Variants in SEMA5B observed in about 807,000 individuals in gnomAD.
SEMA5B encodes semaphorin-5B.
In SEMA5B, 66 loss-of-function variants were observed where a neutral mutation model predicts 135.0. That is an observed-to-expected ratio of 0.49 (90% CI 0.40 to 0.60). The LOEUF is 0.60. Among genes scored for constraint, SEMA5B ranks in the 20% least tolerant of loss-of-function variants. The pLI, the probability that SEMA5B is intolerant of heterozygous loss-of-function variation, is 0.00. For missense variants in SEMA5B, 1,501 were observed against 1,566.3 expected, an observed-to-expected ratio of 0.96 and a Z score of 0.70; for synonymous variants, 690 against 639.5, an observed-to-expected ratio of 1.08 and a Z score of -1.19.
chr3:122,976,262 C>T, intron 1 of SEMA5B: 1 of 1,080,664 alleles, frequency 9.3e-7, no homozygotes, highest in Non-Finnish European at 1.3e-6. Context: ...TCTCAGGCCT[C>T]ACCCCAGACC....
At chr3:122,969,029 C>G (rs772122269) in intron 1 of SEMA5B, among the ~76,000 whole-genome samples, 4 of 152,146 alleles carry the variant, frequency 2.6e-5, no homozygotes, top group African/African-American at 4.8e-5. Context: ...GTTCTGTGCT[C>G]GAATAATTTT....
chr3:122,966,804 C>G (rs935731255), intron 1 of SEMA5B, among the ~76,000 whole-genome samples: 2 of 149,902 alleles, frequency 1.3e-5, no homozygotes, highest in South Asian at 2.1e-4. Context: ...GTGATCTGCC[C>G]GCCTCGGCCT....
chr3:122,955,956 C>A (rs917181818), intron 2 of SEMA5B, among the ~76,000 whole-genome samples: 14 of 152,292 alleles, frequency 9.2e-5, no homozygotes, highest in Non-Finnish European at 1.0e-4. Context: ...AAGACAAAAC[C>A]ATGGTCCTTG....
At chr3:122,918,993 C>CTTTTTTTTTTTTTT (rs63373262) in intron 12 of SEMA5B, among the ~76,000 whole-genome samples, 2 of 80,364 alleles carry the variant, frequency 2.5e-5, no homozygotes, top group Non-Finnish European at 5.2e-5. Flanking sequence ...ATCACCATGT[C>CTTTTTTTTTTTTTT]TTTTTTTTTT....
chr3:122,951,965 G>T (rs1940067780), intron 2 of SEMA5B, among the ~76,000 whole-genome samples: 1 of 152,164 alleles, frequency 6.6e-6, no homozygotes, highest in Non-Finnish European at 1.5e-5. Context: ...TCACTGAATG[G>T]CTGCAAGCCT....
chr3:122,951,676 G>T (rs968270747), intron 2 of SEMA5B, among the ~76,000 whole-genome samples: 3 of 152,214 alleles, frequency 2.0e-5, no homozygotes, highest in African/African-American at 7.2e-5. Flanking sequence ...AGGGATCCCT[G>T]ACAGGAGCTG....
intron 1 of SEMA5B, among the ~76,000 whole-genome samples, chr3:122,972,411 A>C (rs1016476425): frequency 2.6e-5 from 4 of 152,024 alleles, no homozygotes; most frequent in Non-Finnish European, 5.9e-5. Flanking sequence ...CATGTGGCAC[A>C]CTCCAGATCT....
In SEMA5B at chr3:122,978,298, T is replaced by C. The variant is rs528525928; in HGVS notation, c.-38-16997A>G. 1.1e-3 allele frequency among the ~76,000 whole-genome samples: 163 copies of C among 152,302 alleles called. 3 individuals are homozygous for C. In the Middle Eastern group the frequency reaches 0.014, roughly 13 times the overall value. ...GATGAGATCATGGCTCAGGAATCTC[T>C]GTGCAGTCGGTTGCCCCTGAAAAGA... On this transcript the variant is annotated intron_variant, in intron 1 of 22. Coordinates refer to ENST00000357599, the MANE Select transcript of SEMA5B (RefSeq NM_001031702.4).
intron 5 of SEMA5B, among the ~76,000 whole-genome samples, chr3:122,932,780 T>C (rs1939046818): frequency 1.3e-5 from 2 of 152,174 alleles, no homozygotes; most frequent in African/African-American, 4.8e-5. Flanking sequence ...TGTCTTTCTT[T>C]AACCTTCACC....
intron 1 of SEMA5B, chr3:122,975,502 C>G (rs2107660831): frequency 6.3e-6 from 1 of 159,142 alleles, no homozygotes; most frequent in East Asian, 1.8e-4. Flanking sequence ...GGCTCAAATC[C>G]CAGCCCAGGC....
Position 122,927,886 on chromosome 3 carries a change from C to T in SEMA5B, c.754G>A (p.Val252Ile), listed in dbSNP as rs2107655162. 6.3e-7 allele frequency: 1 copy of T among 1,596,308 alleles called. No individual in the cohort carries two copies. The highest frequency in any genetic ancestry group is 1.1e-5 in the South Asian group (1 of 87,998). The change falls in exon 8 of 23, where the codon GTC (valine) becomes ATC (isoleucine). Residue 252 changes from valine to isoleucine, a missense_variant. By Grantham distance (29) the Val-to-Ile change is conservative. Transcript: ENST00000357599. ...SSQGELYAAT[V>I]IDFSGRDPAI... ...GGGTCCCGACCTGAGAAGTCGATGA[C>T]CGTGGCTGCATAGAGCTCCCCCTGG...
At chr3:122,964,049 G>T (rs1001017490) in intron 1 of SEMA5B, among the ~76,000 whole-genome samples, 1 of 152,150 alleles carries the variant, frequency 6.6e-6, no homozygotes, top group Non-Finnish European at 1.5e-5. Context: ...CAGACCACCA[G>T]GCCGCCTCTG....
At chr3:122,966,538 T>A (rs1560378573) in intron 1 of SEMA5B, among the ~76,000 whole-genome samples, 1 of 26,848 alleles carries the variant, frequency 3.7e-5, no homozygotes, top group African/African-American at 1.0e-4. Context: ...TAAGAATGTT[T>A]ATTATTATTA....
intron 1 of SEMA5B, among the ~76,000 whole-genome samples, chr3:122,986,593 T>TTGTG (rs145873533): frequency 0.16 from 22,564 of 144,168 alleles, 1,814 homozygotes; most frequent in South Asian, 0.26. Flanking sequence ...CAGAGCATAT[T>TTGTG]TGTGTGTGTG....
chr3:123,001,115 G>A (rs56358766), intron 1 of SEMA5B, among the ~76,000 whole-genome samples: 19,882 of 152,126 alleles, frequency 0.13, 1,752 homozygotes, highest in East Asian at 0.33. Flanking sequence ...AAGGGATAGG[G>A]GGTGATGCTG....
At chr3:122,933,410 G>C (rs1292554806) in intron 5 of SEMA5B, among the ~76,000 whole-genome samples, 2 of 151,972 alleles carry the variant, frequency 1.3e-5, no homozygotes, top group Non-Finnish European at 2.9e-5. Flanking sequence ...TTGTCTTCTA[G>C]GTTCCAGCAT....
intron 5 of SEMA5B, 49 bp downstream of exon 5, chr3:122,939,376 T>C (rs1385751791): frequency 1.4e-6 from 2 of 1,479,174 alleles, no homozygotes; most frequent in Non-Finnish European, 1.9e-6. Flanking sequence ...TGCCTTGGGC[T>C]CTGGAATAGG....
chr3:122,943,552 C>A lies in SEMA5B; in HGVS notation c.329-17G>T, dbSNP rs751478187. On this transcript the variant is annotated splice_polypyrimidine_tract_variant and intron_variant, in intron 3 of 22. Coordinates refer to ENST00000357599, the MANE Select transcript of SEMA5B (RefSeq NM_001031702.4). ...GCTGCAGGTCTGGTGGAGGGAGAGG[C>A]AACCCTGTGGTTACTGTTGGGCCAG... 5 of 1,570,104 alleles carry A rather than the reference C, an allele frequency of 3.2e-6. No homozygotes were observed. The highest frequency in any genetic ancestry group is 4.4e-6 in the Non-Finnish European group (5 of 1,148,066).
At chr3:122,912,127 A>G (rs1004933331) in intron 19 of SEMA5B, 45 bp downstream of exon 19, 1 of 1,586,566 alleles carries the variant, frequency 6.3e-7, no homozygotes, top group South Asian at 1.1e-5. Flanking sequence ...TGGGGATCAG[A>G]GGGCTCCATG....
Sources: gnomAD v4.1 joint callset for allele counts (sites outside exome capture counted in the v4.1 genomes callset) on GRCh38, gnomAD v4.1.1 for gene constraint, MANE v1.5 for transcripts, NCBI Gene and HGNC (gene_info 2026-07-23, HGNC 2026-07-21) for gene names.